Variants in SLC12A5 observed in about 807,000 individuals in gnomAD.
SLC12A5 encodes the protein solute carrier family 12 member 5.
SLC12A5 carries 18 observed loss-of-function variants against 124.0 expected under a neutral mutation model. The observed-to-expected ratio is 0.15, with a 90% CI of 0.10 to 0.22. The LOEUF is 0.22. Among genes scored for constraint, SLC12A5 ranks in the 10% least tolerant of loss-of-function variants. The pLI is 1.00. For synonymous variants in SLC12A5, 589 were observed against 568.0 expected (o/e 1.04, Z -0.53); for missense variants, 867 against 1,478.7 (o/e 0.59, Z 6.78).
chr20:46,026,833 G>T (rs936884098), upstream of SLC12A5, among the ~76,000 whole-genome samples: 14 of 152,164 alleles, frequency 9.2e-5, no homozygotes, highest in African/African-American at 3.4e-4. Flanking sequence ...TCTAGTGAAG[G>T]TGGACAGATG....
chr20:46,043,077 C>T, intron 8 of SLC12A5, 76 bp from the exon 9 acceptor site: 2 of 1,473,878 alleles, frequency 1.4e-6, no homozygotes, highest in South Asian at 1.3e-5. Context: ...GACTTTTTGC[C>T]CCCTCCCACC....
Position 46,053,001 on chromosome 20 carries a change from A to C in SLC12A5, c.2422A>C (p.Thr808Pro). Residue 808 changes from threonine (T) to proline (P), a missense_variant, in exon 19 of 26, where the codon ACC becomes CCC. By Grantham distance (38) the Thr-to-Pro change is conservative (BLOSUM62 -1). Around this residue, in one of 9 missense-constraint regions of SLC12A5, gnomAD observed 110 missense variants for 149.9 expected, o/e 0.73. Coordinates refer to ENST00000243964, the MANE Select transcript of SLC12A5 (RefSeq NM_020708.5). This position sits in a 1 kb window ranked among gnomAD's most constrained non-coding sequence, Gnocchi z 4.7. ...AGCTGGCCACTTAGCCCTGCTGGTC[A>C]CCAAGAACGTTTCCATGTTTCCTGG... ...TTAGHLALLV[T>P]KNVSMFPGNP... 1 of 1,614,018 alleles carries C rather than the reference A, an allele frequency of 6.2e-7. No homozygotes were observed. The highest frequency in any genetic ancestry group is 8.5e-7 in the Non-Finnish European group (1 of 1,179,940).
chr20:46,024,468 C>G (rs6094238), upstream of SLC12A5, among the ~76,000 whole-genome samples: 47,887 of 152,050 alleles, frequency 0.31, 8,278 homozygotes, highest in African/African-American at 0.47. Context: ...CCAGCATCTG[C>G]TGGTATCTTT....
At chr20:46,021,881 T>C (rs759067394) in exon 1 of SLC12A5, 4 of 1,525,824 alleles carry the variant, frequency 2.6e-6, no homozygotes, top group South Asian at 1.2e-5. Flanking sequence ...GGGGAAGACG[T>C]CAAAGGTAGA....
At chr20:46,038,675 G>T (rs1267686779) in intron 6 of SLC12A5, among the ~76,000 whole-genome samples, 2 of 152,188 alleles carry the variant, frequency 1.3e-5, no homozygotes, top group Non-Finnish European at 2.9e-5. Context: ...TTAACATATG[G>T]TAGGTCCAGA....
chr20:46,052,006 G>C, intron 18 of SLC12A5, 136 bp downstream of exon 18: 1 of 762,152 alleles, frequency 1.3e-6, no homozygotes, highest in Non-Finnish European at 2.0e-6. Flanking sequence ...GCATATGCAG[G>C]TGACAGCAGT....
At chr20:46,031,662 C>T (rs2145477830) in intron 1 of SLC12A5, among the ~76,000 whole-genome samples, 1 of 152,302 alleles carries the variant, frequency 6.6e-6, no homozygotes, top group African/African-American at 2.4e-5. Flanking sequence ...CTAGGGATTC[C>T]CCCAGGCCCA....
Position 46,045,545 on chromosome 20 carries a change from A to G in SLC12A5, c.1570-333A>G, listed in dbSNP as rs1358248195. Among the ~76,000 whole-genome samples, 1 of 148,938 alleles carries G rather than the reference A, an allele frequency of 6.7e-6. No homozygotes were observed. The highest frequency in any genetic ancestry group is 2.6e-5 in the African/African-American group (1 of 38,880). ...GGGCAAGAAAAGGGTAGCTTTTACCATGGTGCTAAAAAAAAAAGACGGATG... is the reference window on the plus strand; with the variant it reads ...GGGCAAGAAAAGGGTAGCTTTTACCGTGGTGCTAAAAAAAAAAGACGGATG... On this transcript the variant is annotated intron_variant, in intron 12 of 25. Transcript: ENST00000243964. This position sits in a 1 kb window ranked among gnomAD's most constrained non-coding sequence, Gnocchi z 4.9.
Position 46,058,268 on chromosome 20 carries a change from C to T in SLC12A5, c.*663C>T. The T allele has an allele frequency of 2.5e-6, 1 of 394,104 alleles. No individual in the cohort carries two copies. The highest frequency in any genetic ancestry group is 4.5e-6 in the Non-Finnish European group (1 of 223,464). 24.4% of individuals were successfully genotyped at this position (394,104 alleles called of 1,614,324 possible). A position where few individuals can be genotyped will look rare whatever the true frequency, so the allele number is the denominator to read the frequency against. On this transcript the variant is annotated 3_prime_UTR_variant, in exon 26 of 26. Transcript: ENST00000243964. The surrounding 1 kb of genome is among the most constrained non-coding windows in gnomAD (Gnocchi z 5.8). Reference sequence around the variant, plus strand: ...GGGAAGCTGAATTTTCCTTGACGTCCAAGAGTTTGAGAGCGAAAGTGCTTT... The same window carrying T: ...GGGAAGCTGAATTTTCCTTGACGTCTAAGAGTTTGAGAGCGAAAGTGCTTT...
chr20:46,035,652 A>G (rs2084491471), intron 3 of SLC12A5, 117 bp downstream of exon 3: 3 of 1,505,632 alleles, frequency 2.0e-6, no homozygotes, highest in African/African-American at 2.8e-5. Flanking sequence ...ATCAGAAAGA[A>G]GAGGGATGAA....
intron 1 of SLC12A5, chr20:46,022,162 C>A (rs1361520358): frequency 9.7e-6 from 2 of 205,828 alleles, no homozygotes; most frequent in Admixed American, 8.4e-5. Context: ...GCGAAGGGGG[C>A]GGGTCTGGTG....
Position 46,053,842 on chromosome 20 carries a change from T to C in SLC12A5, c.2679+133T>C. On this transcript the variant is annotated intron_variant, in intron 20 of 25. Transcript: ENST00000243964. This position sits in a 1 kb window ranked among gnomAD's most constrained non-coding sequence, Gnocchi z 4.7. The stretch of plus-strand genomic sequence containing the variant: ...TTTCCCCCTCATCCATCTCTTAGCC[T>C]CTCACATATTCAGCCATCCCTCCCT... The C allele has an allele frequency of 9.7e-7, 1 of 1,028,924 alleles. No individual in the cohort carries two copies. The highest frequency in any genetic ancestry group is 1.4e-6 in the Non-Finnish European group (1 of 737,418). The allele number at this position is 1,028,924 out of a possible 1,614,324, so 63.7% of individuals were successfully genotyped here.
chr20:46,058,770 C>G lies in SLC12A5; in HGVS notation c.*1165C>G. On this transcript the variant is annotated 3_prime_UTR_variant, in exon 26 of 26. Coordinates refer to ENST00000243964, the MANE Select transcript of SLC12A5 (RefSeq NM_020708.5). This position sits in a 1 kb window ranked among gnomAD's most constrained non-coding sequence, Gnocchi z 5.8. Reference sequence around the variant, plus strand: ...AGGGGGCCGATTCTGGTTTAGGGGCCGGACCCACTGAGAGGCCCCAGAGCC... The same window carrying G: ...AGGGGGCCGATTCTGGTTTAGGGGCGGGACCCACTGAGAGGCCCCAGAGCC... The G allele has an allele frequency of 2.5e-6, 1 of 398,616 alleles. No individual in the cohort carries two copies. Among genetic ancestry groups the G allele is most frequent in the East Asian group, 3.6e-5 (1 of 28,072 alleles). 24.7% of individuals were successfully genotyped at this position (398,616 alleles called of 1,614,324 possible). A position where few individuals can be genotyped will look rare whatever the true frequency, so the allele number is the denominator to read the frequency against.
intron 13 of SLC12A5, 63 bp downstream of exon 13, chr20:46,046,059 G>A (rs1295357555): frequency 6.7e-7 from 1 of 1,494,810 alleles, no homozygotes; most frequent in Non-Finnish European, 9.3e-7. Flanking sequence ...GAATCCTGCA[G>A]CCGTTACCTG....
chr20:46,049,478 T>C (rs1450637923), intron 16 of SLC12A5, 144 bp from the exon 17 acceptor site: 1 of 1,028,712 alleles, frequency 9.7e-7, no homozygotes, highest in African/African-American at 1.6e-5. Flanking sequence ...GATGGGTAGA[T>C]GAATGGATGG....
chr20:46,058,096 G>A lies in SLC12A5; in HGVS notation c.*491G>A. The stretch of plus-strand genomic sequence containing the variant: ...CGCCGCCCCTTCTCGCCGAGCCGTG[G>A]GGCGCGGGCGGCCGAGCCTATACAT... On this transcript the variant is annotated 3_prime_UTR_variant, in exon 26 of 26. Coordinates refer to ENST00000243964, the MANE Select transcript of SLC12A5 (RefSeq NM_020708.5). The surrounding 1 kb of genome is among the most constrained non-coding windows in gnomAD (Gnocchi z 5.8). 1 of 182,848 alleles carries A rather than the reference G, an allele frequency of 5.5e-6. No individual in the cohort carries two copies. The highest frequency in any genetic ancestry group is 1.1e-5 in the Non-Finnish European group (1 of 89,460). 11.3% of individuals were successfully genotyped at this position (182,848 alleles called of 1,614,324 possible). A position where few individuals can be genotyped will look rare whatever the true frequency, so the allele number is the denominator to read the frequency against.
rs775097455 is a variant in SLC12A5 at position 46,046,444 on chromosome 20, C to T, written c.1787+8C>T. On this transcript the variant is annotated splice_region_variant and intron_variant, in intron 14 of 25. Transcript: ENST00000243964. ...CTTTCGATATTACCACTGGTGGGTG[C>T]TCTGTCCCCACACTTCCACTGAGCC... The T allele has an allele frequency of 1.9e-6, 3 of 1,613,214 alleles. No homozygotes were observed. Among genetic ancestry groups the T allele is most frequent in the Non-Finnish European group, 2.5e-6 (3 of 1,179,202 alleles).
Position 46,056,318 on chromosome 20 carries a change from C to T in SLC12A5, c.2910+46C>T, listed in dbSNP as rs924707382. ...GGCCCCAACCAGTGGGAGCAGAGCC[C>T]TTGGCCTCCAAAGGACTCAACTGCC... is the stretch of plus-strand genomic sequence containing the variant. On this transcript the variant is annotated intron_variant, in intron 22 of 25. Coordinates refer to ENST00000243964, the MANE Select transcript of SLC12A5 (RefSeq NM_020708.5). This position sits in a 1 kb window ranked among gnomAD's most constrained non-coding sequence, Gnocchi z 4.3. 1 of 1,611,892 alleles carries T rather than the reference C, an allele frequency of 6.2e-7. No individual in the cohort carries two copies. Among genetic ancestry groups the T allele is most frequent in the East Asian group, 2.2e-5 (1 of 44,854 alleles).
intron 8 of SLC12A5, among the ~76,000 whole-genome samples, chr20:46,042,715 G>A (rs1331704395): frequency 2.0e-5 from 3 of 152,166 alleles, no homozygotes; most frequent in South Asian, 4.1e-4. Flanking sequence ...AGGGGTTAAA[G>A]GACAGAAGTT....
Sources: allele counts gnomAD v4.1 joint callset (sites outside exome capture counted in the v4.1 genomes callset), GRCh38; gene constraint gnomAD v4.1.1; regional missense constraint gnomAD v4.1.1; non-coding constraint Gnocchi (gnomAD v3.1); transcripts MANE v1.5; gene names NCBI Gene and HGNC (gene_info 2026-07-23, HGNC 2026-07-21).